Variants in C12orf42 observed in about 807,000 individuals in gnomAD.
The protein encoded by C12orf42 is chromosome 12 open reading frame 42.
A neutral mutation model predicts 21.6 loss-of-function variants in C12orf42; 25 were observed. The observed-to-expected ratio is 1.16, with a 90% confidence interval of 0.84 to 1.62. C12orf42 has a LOEUF of 1.62. Among genes scored for constraint, C12orf42 ranks in the 40% most tolerant of loss-of-function variants. C12orf42 has a pLI of 0.00. For synonymous variants in C12orf42, 174 were observed against 175.0 expected (o/e 0.99, Z 0.05); for missense variants, 483 against 459.3 (o/e 1.05, Z -0.47).
At chr12:103,211,836 T>G in the C12orf42 span, among the ~76,000 whole-genome samples, 1 of 152,220 alleles carries the variant, frequency 6.6e-6, no homozygotes. Flanking sequence ...ACAGTGGCAC[T>G]TGTCAGATAT....
the C12orf42 span, among the ~76,000 whole-genome samples, chr12:103,093,887 C>T: frequency 2.6e-4 from 40 of 152,300 alleles, no homozygotes; most frequent in African/African-American, 6.3e-4. Flanking sequence ...TCCTCTGTGT[C>T]GGCAGCCTCC....
At chr12:103,176,388 A>G in the C12orf42 span, among the ~76,000 whole-genome samples, 1 of 152,076 alleles carries the variant, frequency 6.6e-6, no homozygotes, top group African/African-American at 2.4e-5. Context: ...TCAACTTCTC[A>G]TATTTATAAC....
chr12:103,196,378 C>T, the C12orf42 span, among the ~76,000 whole-genome samples: 1 of 151,892 alleles, frequency 6.6e-6, no homozygotes, highest in South Asian at 2.1e-4. Context: ...TTAGAGTATA[C>T]ACCACGTACA....
intron 4 of C12orf42, among the ~76,000 whole-genome samples, chr12:103,341,175 G>T (rs1228556453): frequency 2.1e-5 from 3 of 140,688 alleles, no homozygotes; most frequent in Non-Finnish European, 4.7e-5. Context: ...AATTCAGACA[G>T]AAAAAAATAA....
the C12orf42 span, among the ~76,000 whole-genome samples, chr12:103,199,927 C>T: frequency 2.0e-5 from 3 of 151,940 alleles, no homozygotes; most frequent in South Asian, 6.2e-4. Context: ...TTTGGAGGTC[C>T]CCAGAAAACT....
At chr12:103,414,093 A>G (rs1156752892) in intron 2 of C12orf42, among the ~76,000 whole-genome samples, 1 of 152,162 alleles carries the variant, frequency 6.6e-6, no homozygotes, top group African/African-American at 2.4e-5. Flanking sequence ...GTGGCTGTAC[A>G]TTCCCACCAG....
rs769338757 is a variant in C12orf42, at chr12:103,302,173, G to A, written c.1018C>T (p.Arg340Trp). 3.3e-5 allele frequency: 54 copies of A among 1,612,914 alleles called. No individual in the cohort carries two copies. The Admixed American group carries it at 8.7e-4, about 26-fold the overall frequency. ...VCSSAPPRPTRRFHTVCSQAL... is the reference protein window; with the variant it reads ...VCSSAPPRPTWRFHTVCSQAL... The stretch of plus-strand genomic sequence containing the variant: ...TGTGAACAAACCGTATGGAAACGCC[G>A]GGTTGGGCGGGGGGGTGCTGAGGAG... The change falls in exon 6 of 6, where the codon CGG becomes TGG. Residue 340 changes from arginine to tryptophan, a missense_variant. Physicochemically the swap from Arg to Trp is moderately radical, Grantham distance 101 (BLOSUM62 -3). Coordinates refer to ENST00000548883, the MANE Select transcript of C12orf42 (RefSeq NM_198521.5).
At chr12:103,199,848 T>A in the C12orf42 span, among the ~76,000 whole-genome samples, 3 of 152,022 alleles carry the variant, frequency 2.0e-5, no homozygotes, top group Non-Finnish European at 4.4e-5. Flanking sequence ...TGGTGAAAAT[T>A]TGGAGAAAAA....
intron 3 of C12orf42, among the ~76,000 whole-genome samples, chr12:103,398,083 C>G (rs2138619379): frequency 6.6e-6 from 1 of 152,248 alleles, no homozygotes; most frequent in South Asian, 2.1e-4. Context: ...AAGGTGTTTG[C>G]ATTCTACAAC....
chr12:103,078,134 G>T, the C12orf42 span, among the ~76,000 whole-genome samples: 76 of 152,194 alleles, frequency 5.0e-4, no homozygotes, highest in African/African-American at 1.7e-3. Context: ...GTAAAATAAA[G>T]GGAGAAGAAA....
chr12:103,215,253 T>C, the C12orf42 span, among the ~76,000 whole-genome samples: 1 of 151,940 alleles, frequency 6.6e-6, no homozygotes, highest in African/African-American at 2.4e-5. Context: ...CTGACACTGA[T>C]ACTAATAATA....
chr12:103,252,880 T>A (rs2034379160), intron 10 of C12orf42, among the ~76,000 whole-genome samples: 1 of 152,212 alleles, frequency 6.6e-6, no homozygotes, highest in Non-Finnish European at 1.5e-5. Context: ...TCTTTGCCCA[T>A]GCCCATGTCC....
At chr12:103,389,921 C>T (rs991221637) in intron 3 of C12orf42, among the ~76,000 whole-genome samples, 8 of 152,212 alleles carry the variant, frequency 5.3e-5, no homozygotes, top group African/African-American at 1.9e-4. Flanking sequence ...TCTTTGGAAA[C>T]TCCTTTCATC....
At chr12:103,184,070 G>A in the C12orf42 span, among the ~76,000 whole-genome samples, 1 of 152,334 alleles carries the variant, frequency 6.6e-6, no homozygotes, top group African/African-American at 2.4e-5. Flanking sequence ...TCTCACATTG[G>A]TGATTATGTT....
At chr12:103,348,207 G>A (rs1397263170) in intron 4 of C12orf42, among the ~76,000 whole-genome samples, 1 of 151,528 alleles carries the variant, frequency 6.6e-6, no homozygotes, top group Non-Finnish European at 1.5e-5. Flanking sequence ...AATGACAGTT[G>A]TACAGTCTAT....
At chr12:103,113,095 C>CT in the C12orf42 span, among the ~76,000 whole-genome samples, 1,349 of 146,004 alleles carry the variant, frequency 9.2e-3, 20 homozygotes, top group African/African-American at 0.029. Context: ...CTTGACCCAT[C>CT]TTTTTTTTTT....
chr12:103,466,709 A>G (rs1232908563), intron 2 of C12orf42, among the ~76,000 whole-genome samples: 2 of 152,146 alleles, frequency 1.3e-5, no homozygotes, highest in African/African-American at 4.8e-5. Context: ...CTCTGCATCC[A>G]TATCCCTTTG....
At chr12:103,462,309 C>T (rs550410188) in intron 2 of C12orf42, among the ~76,000 whole-genome samples, 2 of 151,364 alleles carry the variant, frequency 1.3e-5, no homozygotes, top group Admixed American at 1.3e-4. Context: ...TGGGGTTTTG[C>T]CATGTTGGCC....
At chr12:103,501,269 T>C in the C12orf42 span, among the ~76,000 whole-genome samples, 1 of 152,140 alleles carries the variant, frequency 6.6e-6, no homozygotes, top group Non-Finnish European at 1.5e-5. Flanking sequence ...TTTGAGCAAT[T>C]CACTGGGAGT....
Sources: gnomAD v4.1 joint callset for allele counts (sites outside exome capture counted in the v4.1 genomes callset) on GRCh38, gnomAD v4.1.1 for gene constraint, MANE v1.5 for transcripts, NCBI Gene and HGNC (gene_info 2026-07-23, HGNC 2026-07-21) for gene names.